The following GATAD2A variants were observed in gnomAD, a reference collection of about 807,000 sequenced individuals.
GATAD2A encodes transcriptional repressor p66-alpha.
In GATAD2A, 12 loss-of-function variants were observed where a neutral mutation model predicts 68.5. The ratio of observed to expected loss-of-function variants is 0.18; its 90% CI spans 0.11 to 0.28. The LOEUF (loss-of-function observed/expected upper bound fraction) is 0.28. GATAD2A is among the 10% of genes least tolerant of loss of function. The pLI, the probability that GATAD2A is intolerant of heterozygous loss-of-function variation, is 1.00. For synonymous variants in GATAD2A, 410 were observed against 375.3 expected, an observed-to-expected ratio of 1.09 and a Z score of -1.07; for missense variants, 755 against 868.5, an observed-to-expected ratio of 0.87 and a Z score of 1.64.
In GATAD2A at chr19:19,507,299, C is replaced by T. The variant is rs2060906876; in HGVS notation, c.*1825C>T. ...AGTATGCAAGCATTTCTATTCCTCGCATTTTTCTGTGTGCCTGGCAAATAA... is the reference window on the plus strand; with the variant it reads ...AGTATGCAAGCATTTCTATTCCTCGTATTTTTCTGTGTGCCTGGCAAATAA... On this transcript the variant is annotated 3_prime_UTR_variant, in exon 12 of 12. Coordinates refer to ENST00000683918, the MANE Select transcript of GATAD2A (RefSeq NM_001384528.1). 1 of 151,612 alleles carries T rather than the reference C, an allele frequency of 6.6e-6. No individual in the cohort carries two copies. The highest frequency in any genetic ancestry group is 2.4e-5 in the African/African-American group (1 of 41,214). The allele number at this position is 151,612 out of a possible 1,614,324, so 9.4% of individuals were successfully genotyped here.
At chr19:19,406,366 C>T (rs1442485926) in intron 1 of GATAD2A, among the ~76,000 whole-genome samples, 1 of 122,096 alleles carries the variant, frequency 8.2e-6, no homozygotes, top group Non-Finnish European at 1.7e-5. Context: ...GTGGAGGCGG[C>T]GGGAAGACGG....
intron 1 of GATAD2A, among the ~76,000 whole-genome samples, chr19:19,432,086 G>A (rs888670937): frequency 3.3e-5 from 5 of 151,846 alleles, no homozygotes; most frequent in Non-Finnish European, 4.4e-5. Context: ...AGTGATTCTC[G>A]TGCCTCAGCC....
intron 1 of GATAD2A, among the ~76,000 whole-genome samples, chr19:19,386,978 G>A (rs1368698080): frequency 2.0e-5 from 3 of 151,742 alleles, no homozygotes; most frequent in Middle Eastern, 3.2e-3. Context: ...CCCCGCCTCT[G>A]AGGGGAGTCC....
At chr19:19,435,847 T>C (rs549755404) in intron 1 of GATAD2A, among the ~76,000 whole-genome samples, 16 of 152,264 alleles carry the variant, frequency 1.1e-4, no homozygotes, top group Admixed American at 7.8e-4. Flanking sequence ...AAAATAATTG[T>C]ATTTCATCGT....
At chr19:19,478,502 A>G (rs2058825792) in intron 2 of GATAD2A, among the ~76,000 whole-genome samples, 1 of 151,936 alleles carries the variant, frequency 6.6e-6, no homozygotes, top group Admixed American at 6.6e-5. Flanking sequence ...TCTGAGGCAC[A>G]AGCACCACTT....
chr19:19,450,320 C>T (rs908575898), intron 1 of GATAD2A, among the ~76,000 whole-genome samples: 3 of 152,190 alleles, frequency 2.0e-5, no homozygotes, highest in Non-Finnish European at 2.9e-5. Flanking sequence ...TGTTAGGAGG[C>T]GGTAGATGCC....
At chr19:19,481,841 G>A (rs916188399) in intron 2 of GATAD2A, among the ~76,000 whole-genome samples, 3 of 152,170 alleles carry the variant, frequency 2.0e-5, no homozygotes, top group Non-Finnish European at 2.9e-5. Context: ...AGTGGCTCAC[G>A]CCTGTTACAG....
At chr19:19,440,468 C>G (rs906429305) in intron 1 of GATAD2A, 1 of 239,912 alleles carries the variant, frequency 4.2e-6, no homozygotes. Context: ...GATGGGGTTT[C>G]ACCATGGTCT....
At chr19:19,449,166 C>T (rs1216376450) in intron 1 of GATAD2A, among the ~76,000 whole-genome samples, 1 of 152,184 alleles carries the variant, frequency 6.6e-6, no homozygotes, top group Non-Finnish European at 1.5e-5. Flanking sequence ...CCCAGGCTGG[C>T]CCTGCACAAT....
intron 1 of GATAD2A, among the ~76,000 whole-genome samples, chr19:19,430,045 T>TC (rs1192300801): frequency 6.6e-6 from 1 of 152,182 alleles, no homozygotes; most frequent in African/African-American, 2.4e-5. Flanking sequence ...GGCAGTTTCC[T>TC]CCTGATCCCC....
chr19:19,425,079 A>C (rs2052913708), intron 1 of GATAD2A, among the ~76,000 whole-genome samples: 1 of 152,014 alleles, frequency 6.6e-6, no homozygotes, highest in African/African-American at 2.4e-5. Context: ...AAAAAAAAAA[A>C]ACCCAAACTT....
chr19:19,455,865 T>G (rs1600173804), intron 1 of GATAD2A, among the ~76,000 whole-genome samples: 2 of 151,720 alleles, frequency 1.3e-5, no homozygotes, highest in Admixed American at 6.6e-5. Context: ...AGAAAAAGTT[T>G]ACTGGCCAGG....
chr19:19,500,309 G>A (rs967367521), intron 8 of GATAD2A, among the ~76,000 whole-genome samples: 1 of 152,184 alleles, frequency 6.6e-6, no homozygotes, highest in Non-Finnish European at 1.5e-5. Flanking sequence ...TCATGGGTCA[G>A]GGGCTTAGAA....
intron 2 of GATAD2A, among the ~76,000 whole-genome samples, chr19:19,470,291 C>A (rs1778085599): frequency 6.6e-6 from 1 of 151,882 alleles, no homozygotes; most frequent in Non-Finnish European, 1.5e-5. Context: ...CCCGCCACCA[C>A]GCCCAGCTAA....
intron 1 of GATAD2A, among the ~76,000 whole-genome samples, chr19:19,411,285 TGAC>T (rs769934195): frequency 6.6e-6 from 1 of 152,234 alleles, no homozygotes; most frequent in Non-Finnish European, 1.5e-5. Flanking sequence ...GGGGCCTTCT[TGAC>T]GATACTGAAT....
intron 1 of GATAD2A, among the ~76,000 whole-genome samples, chr19:19,389,011 T>G (rs1159186713): frequency 6.6e-6 from 1 of 152,098 alleles, no homozygotes; most frequent in Non-Finnish European, 1.5e-5. Flanking sequence ...CTGTAAGTTT[T>G]AGGTGACTTT....
At chr19:19,467,388 A>G (rs192699062) in intron 2 of GATAD2A, among the ~76,000 whole-genome samples, 197 of 152,162 alleles carry the variant, frequency 1.3e-3, no homozygotes, top group Middle Eastern at 3.4e-3. Context: ...AAACAAAAAA[A>G]TATTGCTAGC....
intron 8 of GATAD2A, among the ~76,000 whole-genome samples, chr19:19,500,263 G>A (rs1001825173): frequency 6.6e-6 from 1 of 152,184 alleles, no homozygotes; most frequent in Non-Finnish European, 1.5e-5. Flanking sequence ...GAGATGTGCC[G>A]TTGTCACCAG....
intron 1 of GATAD2A, among the ~76,000 whole-genome samples, chr19:19,451,609 C>G (rs533242045): frequency 6.6e-6 from 1 of 152,184 alleles, no homozygotes; most frequent in South Asian, 2.1e-4. Flanking sequence ...AATTGCAGGG[C>G]TGAGGAAGTA....
Sources: allele counts gnomAD v4.1 joint callset (sites outside exome capture counted in the v4.1 genomes callset), GRCh38; gene constraint gnomAD v4.1.1; transcripts MANE v1.5; gene names NCBI Gene and HGNC (gene_info 2026-07-23, HGNC 2026-07-21).